ZNF618: variants seen among roughly 807,000 people sequenced by gnomAD.
ZNF618 encodes the protein zinc finger protein 618.
ZNF618 carries 34 observed loss-of-function variants against 103.0 expected under a neutral mutation model. The observed-to-expected ratio is 0.33, with a 90% CI of 0.25 to 0.44. ZNF618 has a LOEUF of 0.44. ZNF618 is among the 20% of genes least tolerant of loss of function. The pLI is 1.00. For missense variants in ZNF618, 1,059 were observed against 1,295.4 expected (o/e 0.82, Z 2.80); for synonymous variants, 551 against 542.2 (o/e 1.02, Z -0.23).
intron 1 of ZNF618, among the ~76,000 whole-genome samples, chr9:113,932,691 T>C (rs902919503): frequency 1.3e-5 from 2 of 152,098 alleles, no homozygotes; most frequent in Non-Finnish European, 2.9e-5. Flanking sequence ...AGTCTAGGTA[T>C]TGGCCTGAGC....
chr9:113,958,841 G>A (rs553062348), intron 1 of ZNF618, among the ~76,000 whole-genome samples: 2 of 152,302 alleles, frequency 1.3e-5, no homozygotes, highest in South Asian at 2.1e-4. Context: ...TGGTCTTGGT[G>A]TCTGTCATTG....
At chr9:113,980,955 G>A (rs1022342531) in intron 2 of ZNF618, among the ~76,000 whole-genome samples, 22 of 152,188 alleles carry the variant, frequency 1.4e-4, no homozygotes, top group Admixed American at 9.8e-4. Flanking sequence ...CCAAGGAGCC[G>A]GCCTGCCAAT....
intron 4 of ZNF618, among the ~76,000 whole-genome samples, chr9:114,000,946 T>C (rs1346727096): frequency 2.6e-5 from 4 of 152,212 alleles, no homozygotes; most frequent in Non-Finnish European, 4.4e-5. Flanking sequence ...TAGGCAGGTC[T>C]CCACCCCAGC....
chr9:114,054,574 TC>T lies in ZNF618; in HGVS notation c.*4411del. ...AGCCAGTAGTAGGTGGGAGCTCCTGTCCCCGCCAGCCCTGCTCCAGCCCCCG... is the reference window on the plus strand; with the variant it reads ...AGCCAGTAGTAGGTGGGAGCTCCTGTCCCGCCAGCCCTGCTCCAGCCCCCG... On this transcript the variant is annotated 3_prime_UTR_variant, in exon 15 of 15. Transcript: ENST00000374126. 6.5e-6 allele frequency: 1 copy of T among 152,858 alleles called. No homozygotes were observed. The highest frequency in any genetic ancestry group is 1.5e-5 in the Non-Finnish European group (1 of 68,164). The allele number at this position is 152,858 out of a possible 1,614,324, so 9.5% of individuals were successfully genotyped here.
At chr9:114,029,018 T>C (rs1843765657) in intron 11 of ZNF618, 46 bp downstream of exon 11, 3 of 1,525,250 alleles carry the variant, frequency 2.0e-6, no homozygotes, top group Admixed American at 2.0e-5. Context: ...CCCACTGCCC[T>C]TCTCACCACC....
At chr9:114,007,948 A>G (rs1386975626) in intron 7 of ZNF618, among the ~76,000 whole-genome samples, 1 of 152,164 alleles carries the variant, frequency 6.6e-6, no homozygotes, top group Admixed American at 6.5e-5. Context: ...TGTGACAACC[A>G]GGCCCACCAC....
At chr9:114,002,504 G>T in intron 5 of ZNF618, 120 bp from the exon 6 acceptor site, 2 of 1,098,612 alleles carry the variant, frequency 1.8e-6, no homozygotes, top group Non-Finnish European at 2.6e-6. Flanking sequence ...TGGCATCAGG[G>T]GCCCGGTGCG....
chr9:113,923,267 T>A (rs1462129568), intron 1 of ZNF618, among the ~76,000 whole-genome samples: 1 of 152,202 alleles, frequency 6.6e-6, no homozygotes, highest in East Asian at 1.9e-4. Context: ...GTTTTTACAA[T>A]CTGTATACCT....
chr9:114,045,049 G>T (rs911339556), intron 13 of ZNF618, among the ~76,000 whole-genome samples: 17 of 151,108 alleles, frequency 1.1e-4, no homozygotes, highest in African/African-American at 3.6e-4. Context: ...TTTTTAATTG[G>T]TTTTTTTTGG....
chr9:113,896,543 G>A (rs775538630), intron 1 of ZNF618, among the ~76,000 whole-genome samples: 48 of 151,888 alleles, frequency 3.2e-4, no homozygotes, highest in Non-Finnish European at 6.5e-4. Flanking sequence ...ATCTGCTTGC[G>A]AAAGAAGTAA....
intron 2 of ZNF618, 83 bp from the exon 3 acceptor site, chr9:113,988,238 A>G (rs932474192): frequency 6.7e-7 from 1 of 1,501,536 alleles, no homozygotes; most frequent in Non-Finnish European, 8.9e-7. Context: ...ACAGCCTGGC[A>G]TGTCCCTGTG....
chr9:113,876,373 A>C lies in ZNF618; in HGVS notation c.-8A>C, dbSNP rs1386917166. 8.4e-7 allele frequency: 1 copy of C among 1,195,480 alleles called. No individual in the cohort carries two copies. Among genetic ancestry groups the C allele is most frequent in the Non-Finnish European group, 1.0e-6 (1 of 966,808 alleles). 74.1% of individuals were successfully genotyped at this position (1,195,480 alleles called of 1,614,324 possible). ...ACGCGCCGGGGCCGCCTCCTCCCGC[A>C]CGGACCCATGAACCAGCCGGGCGGC... On this transcript the variant is annotated 5_prime_UTR_variant, in exon 1 of 15. Coordinates refer to ENST00000374126, the MANE Select transcript of ZNF618 (RefSeq NM_001318042.2).
chr9:114,017,226 C>T (rs78107754), intron 10 of ZNF618, among the ~76,000 whole-genome samples: 2,416 of 152,286 alleles, frequency 0.016, 40 homozygotes, highest in Non-Finnish European at 0.024. Context: ...AAAGCTCCCT[C>T]TTGGTCCTTG....
At chr9:113,929,734 C>G (rs1833407119) in intron 1 of ZNF618, among the ~76,000 whole-genome samples, 1 of 152,190 alleles carries the variant, frequency 6.6e-6, no homozygotes, top group Non-Finnish European at 1.5e-5. Context: ...CAAAGCTCTT[C>G]CAGTACTCTA....
In ZNF618 at chr9:113,976,379, G is replaced by A. The variant is rs185248645; in HGVS notation, c.77+7219G>A. Among the ~76,000 whole-genome samples the A allele has an allele frequency of 1.8e-4, 28 of 152,322 alleles. No homozygotes were observed. The East Asian group carries it at 5.2e-3, about 28-fold the overall frequency. ...TCCTGAAGCACAATATTGAGAGTGCGAAGTAGGAGGACCTGACCTAGTTGC... is the reference window on the plus strand; with the variant it reads ...TCCTGAAGCACAATATTGAGAGTGCAAAGTAGGAGGACCTGACCTAGTTGC... On this transcript the variant is annotated intron_variant, in intron 2 of 14. Coordinates refer to ENST00000374126, the MANE Select transcript of ZNF618 (RefSeq NM_001318042.2).
intron 1 of ZNF618, among the ~76,000 whole-genome samples, chr9:113,958,344 G>A (rs981057368): frequency 2.0e-5 from 3 of 152,158 alleles, no homozygotes; most frequent in African/African-American, 7.2e-5. Context: ...CACCTCTTAT[G>A]GTAGTTGAGA....
chr9:113,894,146 A>G (rs1829844488), intron 1 of ZNF618, among the ~76,000 whole-genome samples: 2 of 152,234 alleles, frequency 1.3e-5, no homozygotes. Flanking sequence ...TTTATTAGCC[A>G]GAATTCTCTA....
intron 7 of ZNF618, 30 bp downstream of exon 7, chr9:114,007,469 A>G (rs772614640): frequency 1.2e-6 from 2 of 1,605,218 alleles, no homozygotes; most frequent in Non-Finnish European, 1.7e-6. Flanking sequence ...CCCTGGAGTC[A>G]TGCCAAGAGG....
intron 10 of ZNF618, among the ~76,000 whole-genome samples, chr9:114,023,257 C>T (rs548854296): frequency 6.6e-6 from 1 of 151,726 alleles, no homozygotes; most frequent in East Asian, 1.9e-4. Flanking sequence ...TTAAAAATGC[C>T]TCTTAGCTTT....
Sources: allele counts gnomAD v4.1 joint callset (sites outside exome capture counted in the v4.1 genomes callset), GRCh38; gene constraint gnomAD v4.1.1; transcripts MANE v1.5; gene names NCBI Gene and HGNC (gene_info 2026-07-23, HGNC 2026-07-21).